Variants in TRIM24 observed in about 807,000 individuals in gnomAD.
The protein encoded by TRIM24 is tripartite motif containing 24, also known as transcription intermediary factor 1-alpha.
In TRIM24, 29 loss-of-function variants were observed where a neutral mutation model predicts 123.9. The observed-to-expected ratio is 0.23, with a 90% CI of 0.17 to 0.32. The LOEUF is 0.32. Ranked by LOEUF, TRIM24 falls within the 10% of genes least tolerant of loss-of-function variation. TRIM24 has a pLI of 1.00. For synonymous variants in TRIM24, 456 were observed against 461.1 expected (o/e 0.99, Z 0.14); for missense variants, 932 against 1,295.3 (o/e 0.72, Z 4.31).
chr7:138,469,170 T>C (rs1035281892), intron 1 of TRIM24, among the ~76,000 whole-genome samples: 3 of 152,206 alleles, frequency 2.0e-5, no homozygotes, highest in Admixed American at 1.3e-4. Flanking sequence ...TTTAATTTCA[T>C]TGTACCTTTT....
At chr7:138,515,441 ATTTGT>A in intron 3 of TRIM24, 82 bp downstream of exon 3, 1 of 1,471,098 alleles carries the variant, frequency 6.8e-7, no homozygotes, top group Non-Finnish European at 9.3e-7. Context: ...GTTTTGACAC[ATTTGT>A]TTTGATAAGT....
rs1757668201 is a variant in TRIM24, at chr7:138,529,126, G to A, written c.892G>A (p.Val298Ile). ...GNQIQNRIIE[V>I]NQNQKQVEQD... ...CGTTTTAATTTTCAGAATTATTGAA[G>A]TAAATCAAAATCAAAAGCAGGTGGA... The change falls in exon 6 of 19, where the codon GTA (valine) becomes ATA (isoleucine). Residue 298 changes from valine to isoleucine, a missense_variant. By Grantham distance (29) the Val-to-Ile change is conservative (BLOSUM62 3). Around this residue, in one of 7 missense-constraint regions of TRIM24, gnomAD observed 527 missense variants for 691.3 expected, o/e 0.76. Coordinates refer to ENST00000343526, the MANE Select transcript of TRIM24 (RefSeq NM_015905.3). The A allele has an allele frequency of 6.5e-7, 1 of 1,538,104 alleles. No individual in the cohort carries two copies. Among genetic ancestry groups the A allele is most frequent in the Admixed American group, 2.2e-5 (1 of 45,690 alleles).
rs551661152 is a variant in TRIM24 at position 138,518,644 on chromosome 7, C to G, written c.632-545C>G. On this transcript the variant is annotated intron_variant, in intron 3 of 18. Transcript: ENST00000343526. ...TTTATTATATTTTCTTTCTTCCTCCCTCTTTTTCCATCTCTTTCTCTGCCT... is the reference window on the plus strand; with the variant it reads ...TTTATTATATTTTCTTTCTTCCTCCGTCTTTTTCCATCTCTTTCTCTGCCT... 1.3e-3 allele frequency among the ~76,000 whole-genome samples: 200 copies of G among 152,150 alleles called. 1 individual carries two copies. Among genetic ancestry groups the G allele is most frequent in the African/African-American group, 4.5e-3 (186 of 41,496 alleles).
At chr7:138,508,700 C>CGTGCGTGTGTGTGT (rs1796212178) in intron 2 of TRIM24, among the ~76,000 whole-genome samples, 1 of 35,510 alleles carries the variant, frequency 2.8e-5, no homozygotes, top group Admixed American at 2.9e-4. Flanking sequence ...TGTGCGCGCG[C>CGTGCGTGTGTGTGT]GTGTGTGCGT....
chr7:138,515,375 T>C lies in TRIM24; in HGVS notation c.631+16T>C. On this transcript the variant is annotated intron_variant, in intron 3 of 18. Transcript: ENST00000343526. ...GTATCTCCAGGTAATAAATGAGATC[T>C]TTGCATTTTTTTCCTTCTATCTTTC... 1 of 1,608,060 alleles carries C rather than the reference T, an allele frequency of 6.2e-7. No individual in the cohort carries two copies. Among genetic ancestry groups the C allele is most frequent in the South Asian group, 1.1e-5 (1 of 90,582 alleles).
chr7:138,532,069 T>G (rs1796759566), intron 6 of TRIM24, among the ~76,000 whole-genome samples: 1 of 152,234 alleles, frequency 6.6e-6, no homozygotes, highest in Admixed American at 6.5e-5. Flanking sequence ...GTTGTTTGTT[T>G]TTTTCTTGTA....
intron 1 of TRIM24, among the ~76,000 whole-genome samples, chr7:138,468,645 A>G (rs1247005794): frequency 6.6e-6 from 1 of 152,108 alleles, no homozygotes; most frequent in Non-Finnish European, 1.5e-5. Flanking sequence ...TTTAAGACTG[A>G]CATCTTTTTA....
intron 8 of TRIM24, 102 bp downstream of exon 8, chr7:138,551,282 TG>T: frequency 9.8e-7 from 1 of 1,022,168 alleles, no homozygotes. Context: ...CTGGGCACGG[TG>T]GCTCACATCT....
chr7:138,517,387 T>TTTTGTTTTGTTTTGTTTTGTTTTG (rs1343573220), intron 3 of TRIM24, among the ~76,000 whole-genome samples: 6 of 147,120 alleles, frequency 4.1e-5, no homozygotes, highest in African/African-American at 1.6e-4. Flanking sequence ...GTTTTGTTTT[T>TTTTGTTTTGTTTTGTTTTGTTTTG]TTAGACAGAA....
chr7:138,556,626 A>G (rs1055483087), intron 9 of TRIM24, among the ~76,000 whole-genome samples: 12 of 152,232 alleles, frequency 7.9e-5, no homozygotes, highest in African/African-American at 2.7e-4. Context: ...TTTGCAATAC[A>G]TTCCCAACTG....
Position 138,460,824 on chromosome 7 carries a change from C to T in TRIM24, c.276C>T (p.Pro92=), listed in dbSNP as rs1255784309. Residue 92 remains proline, a synonymous_variant, in exon 1 of 19, where the codon CCC becomes CCT. Transcript: ENST00000343526. ...CGCCCCAGCGCTACCTCATGCTGCCCGCGCCCATGCTGGGCTCGGCCGAGA... is the reference window on the plus strand; with the variant it reads ...CGCCCCAGCGCTACCTCATGCTGCCTGCGCCCATGCTGGGCTCGGCCGAGA... The part of the protein sequence containing the change: ...LPAPQRYLML[P]APMLGSAETP... 3.5e-5 allele frequency: 55 copies of T among 1,578,388 alleles called. No homozygotes were observed. The highest frequency in any genetic ancestry group is 4.4e-5 in the Non-Finnish European group (51 of 1,167,828).
rs556581612 is a variant in TRIM24, at chr7:138,558,356, A to G, written c.1530+3390A>G. On this transcript the variant is annotated intron_variant, in intron 9 of 18. Transcript: ENST00000343526. Reference sequence around the variant, plus strand: ...GGTAAAGGCCTTTCCCCAGCGAACAATGCAGAATCTCCCGATAATAGAGAT... The same window carrying G: ...GGTAAAGGCCTTTCCCCAGCGAACAGTGCAGAATCTCCCGATAATAGAGAT... Among the ~76,000 whole-genome samples, 6 of 152,300 alleles carry G rather than the reference A, an allele frequency of 3.9e-5. No individual in the cohort carries two copies. In the South Asian group the frequency reaches 1.2e-3, roughly 32 times the overall value.
intron 9 of TRIM24, 50 bp from the exon 10 acceptor site, chr7:138,567,431 G>A (rs766151726): frequency 1.3e-6 from 2 of 1,490,350 alleles, no homozygotes; most frequent in South Asian, 2.6e-5. Flanking sequence ...TTTATAATTT[G>A]TTTTTCAGAA....
intron 12 of TRIM24, among the ~76,000 whole-genome samples, chr7:138,575,792 CTT>C (rs1449429165): frequency 6.6e-6 from 1 of 152,098 alleles, no homozygotes; most frequent in African/African-American, 2.4e-5. Flanking sequence ...GCTTCTTAAT[CTT>C]TTTAGGGCAG....
At chr7:138,573,454 A>G in intron 11 of TRIM24, 53 bp from the exon 12 acceptor site, 1 of 1,459,226 alleles carries the variant, frequency 6.9e-7, no homozygotes, top group South Asian at 1.5e-5. Flanking sequence ...ATTTAAAAGT[A>G]GCTTTTAACT....
chr7:138,523,466 C>T (rs1226800217), intron 4 of TRIM24, among the ~76,000 whole-genome samples: 1 of 152,066 alleles, frequency 6.6e-6, no homozygotes, highest in Non-Finnish European at 1.5e-5. Context: ...GCAAAAATAG[C>T]CCCTTTTGGC....
At chr7:138,580,739 G>A (rs1273744516) in intron 16 of TRIM24, 45 bp downstream of exon 16, 2 of 1,552,844 alleles carry the variant, frequency 1.3e-6, no homozygotes, top group Non-Finnish European at 8.7e-7. Context: ...GTGCAATATT[G>A]TACTGTGGTA....
At chr7:138,500,565 A>G (rs1796015009) in intron 1 of TRIM24, among the ~76,000 whole-genome samples, 1 of 130,912 alleles carries the variant, frequency 7.6e-6, no homozygotes, top group South Asian at 2.7e-4. Flanking sequence ...CCTTGTTTCA[A>G]AAAAAAAAAA....
chr7:138,516,519 T>A (rs1796398603), intron 3 of TRIM24, among the ~76,000 whole-genome samples: 1 of 152,108 alleles, frequency 6.6e-6, no homozygotes, highest in Admixed American at 6.5e-5. Context: ...CATGTGTGGC[T>A]GAATTTTGTA....
Sources: allele counts gnomAD v4.1 joint callset (sites outside exome capture counted in the v4.1 genomes callset), GRCh38; gene constraint gnomAD v4.1.1; regional missense constraint gnomAD v4.1.1; transcripts MANE v1.5; gene names NCBI Gene and HGNC (gene_info 2026-07-23, HGNC 2026-07-21).